CYB561: variants seen among roughly 807,000 people sequenced by gnomAD.
CYB561 encodes cytochrome b561.
CYB561 carries 11 observed loss-of-function variants against 25.3 expected under a neutral mutation model. That is an observed-to-expected ratio of 0.44 (90% CI 0.27 to 0.72). The LOEUF is 0.72. CYB561 is among the 30% of genes least tolerant of loss of function. CYB561 has a pLI of 0.18. For missense variants in CYB561, 295 were observed against 334.9 expected (o/e 0.88, Z 0.93); for synonymous variants, 165 against 158.8 (o/e 1.04, Z -0.29).
chr17:63,435,991 C>T (rs1568022745), intron 3 of CYB561, 63 bp downstream of exon 3: 9 of 1,611,628 alleles, frequency 5.6e-6, no homozygotes, highest in African/African-American at 2.7e-5. Context: ...GCAGGTGAAG[C>T]GGCTGTTTGC....
chr17:63,446,574 C>T (rs563147307), upstream of CYB561, among the ~76,000 whole-genome samples: 2 of 152,086 alleles, frequency 1.3e-5, no homozygotes, highest in Non-Finnish European at 2.9e-5. Flanking sequence ...GGTGGAGGGC[C>T]GGGAGCTCCC....
chr17:63,438,177 C>T (rs2049335104), intron 1 of CYB561: 1 of 1,535,694 alleles, frequency 6.5e-7, no homozygotes, highest in Non-Finnish European at 8.7e-7. Flanking sequence ...AAAGATACCC[C>T]AAATTCTAGT....
Position 63,436,082 on chromosome 17 carries a change from G to T in CYB561, c.273C>A (p.His91Gln). The T allele has an allele frequency of 6.2e-7, 1 of 1,614,248 alleles. No homozygotes were observed. Among genetic ancestry groups the T allele is most frequent in the Non-Finnish European group, 8.5e-7 (1 of 1,180,032 alleles). The change falls in exon 3 of 6, where the codon CAC becomes CAA. Residue 91 changes from histidine to glutamine, a missense_variant. By Grantham distance (24) the His-to-Gln change is conservative (BLOSUM62 0). Transcript: ENST00000360793. The surrounding 1 kb of genome is among the most constrained non-coding windows in gnomAD (Gnocchi z 4.8). ...RTTKVLHGLLHIFALVIALVG... is the reference protein window; with the variant it reads ...RTTKVLHGLLQIFALVIALVG... ...CCAGGGCGATGACGAGCGCAAAGATGTGCAGCAGCCCGTGCAGGACCTTGG... is the reference window on the plus strand; with the variant it reads ...CCAGGGCGATGACGAGCGCAAAGATTTGCAGCAGCCCGTGCAGGACCTTGG...
intron 1 of CYB561, 28 bp from the exon 2 acceptor site, chr17:63,437,588 G>T: frequency 1.9e-6 from 3 of 1,569,786 alleles, no homozygotes; most frequent in Non-Finnish European, 8.6e-7. Flanking sequence ...GCTCAGAGGA[G>T]CAGCGCACAG....
rs1222679126 is a variant in CYB561 at position 63,446,261 on chromosome 17, T to A, written c.-30A>T. On this transcript the variant is annotated 5_prime_UTR_variant, in exon 1 of 6. Transcript: ENST00000360793. ...GCCTCCTACCTTGCCTACCCGAGCG[T>A]CCCTTCAGCCTCCCCGCGCCGCGCC... The A allele has an allele frequency of 2.6e-5, 4 of 151,676 alleles. No homozygotes were observed. The highest frequency in any genetic ancestry group is 5.9e-5 in the Non-Finnish European group (4 of 67,890). The allele number at this position is 151,676 out of a possible 1,614,324, so 9.4% of individuals were successfully genotyped here.
Position 63,436,254 on chromosome 17 carries a change from ACGG to A in CYB561, c.203-105_203-103del, listed in dbSNP as rs1599116602. 7.2e-7 allele frequency: 1 copy of A among 1,391,162 alleles called. No homozygotes were observed. Among genetic ancestry groups the A allele is most frequent in the East Asian group, 2.5e-5 (1 of 40,580 alleles). 86.2% of individuals were successfully genotyped at this position (1,391,162 alleles called of 1,614,324 possible). On this transcript the variant is annotated intron_variant, in intron 2 of 5. Coordinates refer to ENST00000360793, the MANE Select transcript of CYB561 (RefSeq NM_001915.4). This position sits in a 1 kb window ranked among gnomAD's most constrained non-coding sequence, Gnocchi z 4.8. ...CTTGGTGGAGAGGTGATGTGAGCTG[ACGG>A]CTTGTAACAGGAGCCTAGCTGCAGG...
Position 63,434,108 on chromosome 17 carries a change from A to C in CYB561, c.*294T>G, listed in dbSNP as rs1192768688. 1.9e-5 allele frequency: 7 copies of C among 365,650 alleles called. No individual in the cohort carries two copies. Among genetic ancestry groups the C allele is most frequent in the Admixed American group, 4.3e-5 (1 of 23,170 alleles). The allele number at this position is 365,650 out of a possible 1,614,324, so 22.7% of individuals were successfully genotyped here. ...GGCCTCCTCTCTCGCTTCTTTAAAGATCTGTGCTCTGCGACCAGGACCGAA... is the reference window on the plus strand; with the variant it reads ...GGCCTCCTCTCTCGCTTCTTTAAAGCTCTGTGCTCTGCGACCAGGACCGAA... On this transcript the variant is annotated 3_prime_UTR_variant, in exon 6 of 6. Transcript: ENST00000360793.
chr17:63,433,974 G>C lies in CYB561; in HGVS notation c.*428C>G, dbSNP rs1459747089. The C allele has an allele frequency of 1.0e-5, 2 of 192,628 alleles. No individual in the cohort carries two copies. Among genetic ancestry groups the C allele is most frequent in the Non-Finnish European group, 2.1e-5 (2 of 95,566 alleles). 11.9% of individuals were successfully genotyped at this position (192,628 alleles called of 1,614,324 possible). A position where few individuals can be genotyped will look rare whatever the true frequency, so the allele number is the denominator to read the frequency against. The stretch of plus-strand genomic sequence containing the variant: ...TGTGCCACGTGTTATTCAGGCTGGA[G>C]GGACTCCTTGTTTGAATTCAGCAGC... On this transcript the variant is annotated 3_prime_UTR_variant, in exon 6 of 6. Transcript: ENST00000360793.
Position 63,433,448 on chromosome 17 carries a change from T to C in CYB561, c.*954A>G, listed in dbSNP as rs1340386152. On this transcript the variant is annotated 3_prime_UTR_variant, in exon 6 of 6. Transcript: ENST00000360793. The stretch of plus-strand genomic sequence containing the variant: ...GATGGGCAGCAGATAAGGAGAAGGC[T>C]CGTCCTCCAGAACAGAGGCAGCAGC... 2.5e-6 allele frequency: 1 copy of C among 398,848 alleles called. No individual in the cohort carries two copies. Among genetic ancestry groups the C allele is most frequent in the African/African-American group, 2.1e-5 (1 of 48,620 alleles). The allele number at this position is 398,848 out of a possible 1,614,324, so 24.7% of individuals were successfully genotyped here.
intron 1 of CYB561, 118 bp from the exon 2 acceptor site, chr17:63,437,678 C>G: frequency 1.3e-6 from 1 of 751,094 alleles, no homozygotes; most frequent in Non-Finnish European, 2.1e-6. Context: ...GTACACACCC[C>G]TCAAGATGCG....
chr17:63,439,104 C>T (rs2049348768), intron 1 of CYB561: 1 of 152,374 alleles, frequency 6.6e-6, no homozygotes, highest in African/African-American at 2.4e-5. Context: ...CACTGACCCC[C>T]TTCACACCCG....
chr17:63,445,380 C>CTT (rs558247824), intron 1 of CYB561, among the ~76,000 whole-genome samples: 3,564 of 128,444 alleles, frequency 0.028, 201 homozygotes, highest in African/African-American at 0.092. Context: ...GGTGGCAAAG[C>CTT]TTTTTTTTTT....
Position 63,445,552 on chromosome 17 carries a change from G to T in CYB561, c.-14+693C>A, listed in dbSNP as rs116358273. Among the ~76,000 whole-genome samples the T allele has an allele frequency of 3.3e-3, 466 of 142,516 alleles. 6 individuals are homozygous for T. Among genetic ancestry groups the T allele is most frequent in the African/African-American group, 0.011 (459 of 40,046 alleles). The allele number at this position is 142,516 out of a possible 152,430, so 93.5% of individuals were successfully genotyped here. On this transcript the variant is annotated intron_variant, in intron 1 of 5. Transcript: ENST00000360793. ...GGGAAGGGGACCCCAGATCCACACG[G>T]ATGATCCTCGCTCCGTGATACAGTC... is the stretch of plus-strand genomic sequence containing the variant.
chr17:63,433,542 T>C lies in CYB561; in HGVS notation c.*860A>G, dbSNP rs1275687909. 5.1e-6 allele frequency: 2 copies of C among 391,078 alleles called. No individual in the cohort carries two copies. The highest frequency in any genetic ancestry group is 9.0e-6 in the Non-Finnish European group (2 of 221,724). The allele number at this position is 391,078 out of a possible 1,614,324, so 24.2% of individuals were successfully genotyped here. A position where few individuals can be genotyped will look rare whatever the true frequency, so the allele number is the denominator to read the frequency against. On this transcript the variant is annotated 3_prime_UTR_variant, in exon 6 of 6. Coordinates refer to ENST00000360793, the MANE Select transcript of CYB561 (RefSeq NM_001915.4). The stretch of plus-strand genomic sequence containing the variant: ...TTTTTCATTTAAAAAATTATAAGGT[T>C]TGTGCCCTCTGCCTCCCAGCCTGAG...
At chr17:63,446,386 G>C (rs1243874016), upstream of CYB561, 1 of 151,924 alleles carries the variant, frequency 6.6e-6, no homozygotes, top group Non-Finnish European at 1.5e-5. Flanking sequence ...AGTGGCGTAC[G>C]CGGCCCCCGG....
Position 63,446,267 on chromosome 17 carries a change from C to G in CYB561, c.-36G>C, listed in dbSNP as rs1289260678. The stretch of plus-strand genomic sequence containing the variant: ...TACCTTGCCTACCCGAGCGTCCCTT[C>G]AGCCTCCCCGCGCCGCGCCCGGGTC... On this transcript the variant is annotated 5_prime_UTR_variant, in exon 1 of 6. Transcript: ENST00000360793. 6.6e-6 allele frequency: 1 copy of G among 151,962 alleles called. No homozygotes were observed. The highest frequency in any genetic ancestry group is 2.4e-5 in the African/African-American group (1 of 41,404). 9.4% of individuals were successfully genotyped at this position (151,962 alleles called of 1,614,324 possible). A position where few individuals can be genotyped will look rare whatever the true frequency, so the allele number is the denominator to read the frequency against.
intron 1 of CYB561, chr17:63,437,902 T>TC (rs1414180087): frequency 1.4e-5 from 4 of 292,106 alleles, no homozygotes; most frequent in East Asian, 9.5e-5. Context: ...GATGCGCATG[T>TC]CCCCCCCACG....
intron 1 of CYB561, among the ~76,000 whole-genome samples, chr17:63,441,993 G>A (rs544667692): frequency 4.6e-5 from 7 of 152,352 alleles, no homozygotes; most frequent in Non-Finnish European, 7.3e-5. Context: ...CTCCTAAGGC[G>A]GGTGCCCTGG....
Position 63,438,159 on chromosome 17 carries a change from G to A in CYB561, c.-13-599C>T, listed in dbSNP as rs568258320. ...GCCAGGAGTTCCATATGCGGTGAGGGTGCAAGGAAAGATACCCCAAATTCT... is the reference window on the plus strand; with the variant it reads ...GCCAGGAGTTCCATATGCGGTGAGGATGCAAGGAAAGATACCCCAAATTCT... On this transcript the variant is annotated intron_variant, in intron 1 of 5. Coordinates refer to ENST00000360793, the MANE Select transcript of CYB561 (RefSeq NM_001915.4). 3.8e-4 allele frequency: 590 copies of A among 1,535,612 alleles called. 2 individuals are homozygous for A. The African/African-American group carries it at 7.4e-3, about 19-fold the overall frequency.
Sources: gnomAD v4.1 joint callset for allele counts (sites outside exome capture counted in the v4.1 genomes callset) on GRCh38, gnomAD v4.1.1 for gene constraint, Gnocchi (gnomAD v3.1) non-coding constraint, MANE v1.5 for transcripts, NCBI Gene and HGNC (gene_info 2026-07-23, HGNC 2026-07-21) for gene names.